DGLUCY: variants seen among roughly 807,000 people sequenced by gnomAD.
DGLUCY encodes the protein D-glutamate cyclase, mitochondrial.
A neutral mutation model predicts 58.5 loss-of-function variants in DGLUCY; 58 were observed. That is an observed-to-expected ratio of 0.99 (90% CI 0.80 to 1.23). DGLUCY has a LOEUF of 1.23. DGLUCY is among the 50% of genes most tolerant of loss of function. DGLUCY has a pLI of 0.00. For synonymous variants in DGLUCY, 325 were observed against 314.1 expected, an observed-to-expected ratio of 1.03 and a Z score of -0.37; for missense variants, 779 against 784.7, an observed-to-expected ratio of 0.99 and a Z score of 0.09.
chr14:91,095,044 A>G (rs2044371612), intron 1 of DGLUCY, among the ~76,000 whole-genome samples: 1 of 152,064 alleles, frequency 6.6e-6, no homozygotes, highest in Non-Finnish European at 1.5e-5. Flanking sequence ...TCCTAGCCAC[A>G]CAAAACTCTA....
intron 1 of DGLUCY, chr14:91,145,432 C>T (rs2046959526): frequency 6.6e-6 from 1 of 152,280 alleles, no homozygotes; most frequent in Admixed American, 6.5e-5. Context: ...TGAGCTTATC[C>T]TCAGCTACAT....
intron 6 of DGLUCY, chr14:91,173,661 CA>C (rs2048700135): frequency 1.9e-6 from 1 of 517,786 alleles, no homozygotes; most frequent in South Asian, 3.0e-5. Context: ...TTGTTTTTAC[CA>C]GGGGTCTCCA....
intron 1 of DGLUCY, among the ~76,000 whole-genome samples, chr14:91,121,935 A>G (rs190067951): frequency 6.6e-6 from 1 of 152,296 alleles, no homozygotes; most frequent in Admixed American, 6.5e-5. Flanking sequence ...GTTTATTCCC[A>G]TCATCTAACA....
exon 1 of DGLUCY, chr14:91,060,390 G>C: frequency 6.6e-7 from 1 of 1,507,082 alleles, no homozygotes; most frequent in Non-Finnish European, 8.9e-7. Context: ...CGCCGTCCGC[G>C]CTGGTCCCCG....
chr14:91,210,353 A>C (rs1003517927), intron 12 of DGLUCY, among the ~76,000 whole-genome samples: 1 of 152,040 alleles, frequency 6.6e-6, no homozygotes, highest in African/African-American at 2.4e-5. Flanking sequence ...CAACATAACA[A>C]GACCATATCT....
intron 1 of DGLUCY, among the ~76,000 whole-genome samples, chr14:91,084,748 G>T (rs2044183798): frequency 6.6e-6 from 1 of 152,194 alleles, no homozygotes; most frequent in Non-Finnish European, 1.5e-5. Flanking sequence ...AGGCACCCCT[G>T]GGGAGATACA....
At chr14:91,220,480 G>T (rs1047873488) in intron 13 of DGLUCY, 11 of 456,250 alleles carry the variant, frequency 2.4e-5, no homozygotes, top group Non-Finnish European at 4.0e-5. Context: ...CCTGAGCCAG[G>T]CTTGATGGTG....
intron 1 of DGLUCY, among the ~76,000 whole-genome samples, chr14:91,144,245 A>G (rs2046893531): frequency 1.3e-5 from 2 of 152,180 alleles, no homozygotes; most frequent in African/African-American, 4.8e-5. Context: ...TTGGTAACAA[A>G]CATTTATCAG....
chr14:91,100,663 C>A (rs1199559172), intron 1 of DGLUCY, among the ~76,000 whole-genome samples: 1 of 152,188 alleles, frequency 6.6e-6, no homozygotes. Context: ...GGTGTGGTCC[C>A]CAGACCAGCA....
At chr14:91,185,300 T>TTTTTTTTG (rs2049442640) in intron 8 of DGLUCY, among the ~76,000 whole-genome samples, 1 of 113,796 alleles carries the variant, frequency 8.8e-6, no homozygotes, top group Non-Finnish European at 1.9e-5. Flanking sequence ...TTTTTTTTTT[T>TTTTTTTTG]GAGACAGGTT....
intron 5 of DGLUCY, among the ~76,000 whole-genome samples, chr14:91,171,242 A>G (rs1392543469): frequency 6.6e-6 from 1 of 152,094 alleles, no homozygotes; most frequent in Non-Finnish European, 1.5e-5. Flanking sequence ...GGAACCTGGA[A>G]CCCCTGGCTC....
intron 1 of DGLUCY, among the ~76,000 whole-genome samples, chr14:91,102,743 A>ACGCGTGTG (rs778918997): frequency 7.7e-6 from 1 of 130,586 alleles, no homozygotes; most frequent in Admixed American, 7.8e-5. Flanking sequence ...TCCAGTGTGT[A>ACGCGTGTG]TGTGTGTGTG....
At chr14:91,207,240 T>C (rs8003264) in intron 12 of DGLUCY, among the ~76,000 whole-genome samples, 29,964 of 150,008 alleles carry the variant, frequency 0.2, 4,089 homozygotes, top group African/African-American at 0.37. Context: ...GATGGGCTTA[T>C]TAGTAGACCG....
Position 91,185,271 on chromosome 14 carries a change from A to ATTTTTTTTTTTT in DGLUCY, c.935-3621_935-3610dup, listed in dbSNP as rs35639010. Among the ~76,000 whole-genome samples the ATTTTTTTTTTTT allele has an allele frequency of 5.2e-4, 20 of 38,346 alleles. 3 individuals carry two copies. Among genetic ancestry groups the ATTTTTTTTTTTT allele is most frequent in the Non-Finnish European group, 7.5e-4 (16 of 21,476 alleles). The allele number at this position is 38,346 out of a possible 152,430, so 25.2% of individuals were successfully genotyped here. A position where few individuals can be genotyped will look rare whatever the true frequency, so the allele number is the denominator to read the frequency against. Reference sequence around the variant, plus strand: ...GGTGTGAGCCACCGTGCCCAGCCGGATTTTTTTTTTTTTTTTTTTTTTTTT... The same window carrying ATTTTTTTTTTTT: ...GGTGTGAGCCACCGTGCCCAGCCGGATTTTTTTTTTTTTTTTTTTTTTTTTTTTTTTTTTTTT... On this transcript the variant is annotated intron_variant, in intron 8 of 13. Coordinates refer to ENST00000256324, the MANE Select transcript of DGLUCY (RefSeq NM_001102368.3).
At chr14:91,176,669 G>A (rs150630520) in intron 7 of DGLUCY, among the ~76,000 whole-genome samples, 7 of 152,158 alleles carry the variant, frequency 4.6e-5, no homozygotes, top group African/African-American at 7.2e-5. Context: ...GCACGATCTC[G>A]GCTCACTGCA....
chr14:91,219,434 C>G (rs1387545205), intron 13 of DGLUCY, among the ~76,000 whole-genome samples: 1 of 152,246 alleles, frequency 6.6e-6, no homozygotes, highest in Non-Finnish European at 1.5e-5. Flanking sequence ...AATCGTCACA[C>G]TAGAGTTCTG....
chr14:91,167,748 G>A, intron 4 of DGLUCY: 1 of 675,478 alleles, frequency 1.5e-6, no homozygotes, highest in Admixed American at 2.2e-5. Context: ...TATTGTGTCT[G>A]TTCTCCCAGG....
At chr14:91,061,067 G>A (rs1340996015) in intron 1 of DGLUCY, among the ~76,000 whole-genome samples, 6 of 152,168 alleles carry the variant, frequency 3.9e-5, no homozygotes, top group Non-Finnish European at 8.8e-5. Flanking sequence ...GAGGCGGGGA[G>A]GGATGATTGG....
At chr14:91,188,308 A>G (rs563675196) in intron 8 of DGLUCY, among the ~76,000 whole-genome samples, 17 of 152,256 alleles carry the variant, frequency 1.1e-4, no homozygotes, top group African/African-American at 3.4e-4. Context: ...GGCATGCGTC[A>G]CTTCCATCAC....
Sources: gnomAD v4.1 joint callset for allele counts (sites outside exome capture counted in the v4.1 genomes callset) on GRCh38, gnomAD v4.1.1 for gene constraint, MANE v1.5 for transcripts, NCBI Gene and HGNC (gene_info 2026-07-23, HGNC 2026-07-21) for gene names.